Variants in LGALS12 observed in about 807,000 individuals in gnomAD.
The protein encoded by LGALS12 is galectin 12, also known as galectin-12.
A neutral mutation model predicts 36.8 loss-of-function variants in LGALS12; 36 were observed. The ratio of observed to expected loss-of-function variants is 0.98; its 90% CI spans 0.75 to 1.29. The LOEUF (loss-of-function observed/expected upper bound fraction) is 1.29. LGALS12 is among the 50% of genes most tolerant of loss of function. The probability of loss-of-function intolerance (pLI) is 0.00; values close to 1 mark genes in which losing one functional copy is unlikely to be tolerated. For missense variants in LGALS12, 366 were observed against 394.3 expected, an observed-to-expected ratio of 0.93 and a Z score of 0.61; for synonymous variants, 145 against 155.9, an observed-to-expected ratio of 0.93 and a Z score of 0.52.
intron 1 of LGALS12, among the ~76,000 whole-genome samples, chr11:63,506,963 C>T (rs2016759477): frequency 6.6e-6 from 1 of 152,146 alleles, no homozygotes; most frequent in Non-Finnish European, 1.5e-5. Context: ...AGTCAGTGCC[C>T]AAGAGGTTTT....
At chr11:63,507,972 A>C in intron 1 of LGALS12, 1 of 960,076 alleles carries the variant, frequency 1.0e-6, no homozygotes, top group Middle Eastern at 5.4e-4. Context: ...TCCTGACCTC[A>C]AGTTGATCCA....
At position 63,506,126 on chromosome 11, in the gene LGALS12, C is replaced by G. The variant is rs1419314524; in HGVS notation, c.-333C>G. 3 of 421,786 alleles carry G rather than the reference C, an allele frequency of 7.1e-6. No homozygotes were observed. Among genetic ancestry groups the G allele is most frequent in the Non-Finnish European group, 1.3e-5 (3 of 232,738 alleles). 26.1% of individuals were successfully genotyped at this position (421,786 alleles called of 1,614,324 possible). A position where few individuals can be genotyped will look rare whatever the true frequency, so the allele number is the denominator to read the frequency against. Reference sequence around the variant, plus strand: ...CCACAGGAGCCAGCCTCTGGCTTCTCTCTGCAATGGCCATGTGCTGCAGAC... The same window carrying G: ...CCACAGGAGCCAGCCTCTGGCTTCTGTCTGCAATGGCCATGTGCTGCAGAC... On this transcript the variant is annotated 5_prime_UTR_variant, in exon 1 of 9. Coordinates refer to ENST00000394618, the MANE Select transcript of LGALS12 (RefSeq NM_033101.4).
intron 7 of LGALS12, 67 bp downstream of exon 7, chr11:63,511,907 C>A: frequency 9.9e-7 from 1 of 1,008,490 alleles, no homozygotes; most frequent in Non-Finnish European, 1.6e-6. Flanking sequence ...TGCTATAAAA[C>A]ATCATCTCTT....
Position 63,508,960 on chromosome 11 carries a change from T to A in LGALS12, c.341T>A (p.Ile114Asn), listed in dbSNP as rs76345806. The change falls in exon 3 of 9, where the codon ATC becomes AAC. Residue 114 changes from isoleucine to asparagine, a missense_variant. Ile to Asn is a moderately radical substitution (Grantham distance 149, BLOSUM62 -3). Coordinates refer to ENST00000394618, the MANE Select transcript of LGALS12 (RefSeq NM_033101.4). Reference sequence around the variant, plus strand: ...CTGCGAAGAGGCTCCAGCTTCCTCATCCTCTTTCTCTTCGGGAATGAGGAA... The same window carrying A: ...CTGCGAAGAGGCTCCAGCTTCCTCAACCTCTTTCTCTTCGGGAATGAGGAA... Reference protein sequence around the residue: ...LALRRGSSFLILFLFGNEEVK... With the variant: ...LALRRGSSFLNLFLFGNEEVK... The A allele has an allele frequency of 2.4e-3, 3,846 of 1,614,104 alleles. 82 individuals are homozygous for A. In the African/African-American group the frequency reaches 0.044, roughly 19 times the overall value.
In LGALS12 at chr11:63,506,166, T is replaced by C. The variant is rs185654788; in HGVS notation, c.-293T>C. 1.7e-3 allele frequency: 911 copies of C among 540,364 alleles called. 4 individuals are homozygous for C. The highest frequency in any genetic ancestry group is 2.8e-3 in the Admixed American group (88 of 31,240). The allele number at this position is 540,364 out of a possible 1,614,324, so 33.5% of individuals were successfully genotyped here. Reference sequence around the variant, plus strand: ...GTGCTGCAGACCCGGAGTGGGTAGTTAGTTGGTTAATGCCAGTCTTCCTCC... The same window carrying C: ...GTGCTGCAGACCCGGAGTGGGTAGTCAGTTGGTTAATGCCAGTCTTCCTCC... On this transcript the variant is annotated 5_prime_UTR_variant, in exon 1 of 9. An upstream open reading frame in the 5' UTR loses its in-frame stop. Transcript: ENST00000394618.
rs1386240211 is a variant in LGALS12 at position 63,506,388 on chromosome 11, G to T, written c.-71G>T. ...TCCAGGCATTTAGGACCCTGACTGGGGCAGATGAGTCAGCCCAGTGGGGGC... is the reference window on the plus strand; with the variant it reads ...TCCAGGCATTTAGGACCCTGACTGGTGCAGATGAGTCAGCCCAGTGGGGGC... On this transcript the variant is annotated 5_prime_UTR_variant, in exon 1 of 9. Coordinates refer to ENST00000394618, the MANE Select transcript of LGALS12 (RefSeq NM_033101.4). 1 of 1,614,170 alleles carries T rather than the reference G, an allele frequency of 6.2e-7. No homozygotes were observed. Among genetic ancestry groups the T allele is most frequent in the Admixed American group, 1.7e-5 (1 of 60,030 alleles).
Position 63,508,870 on chromosome 11 carries a change from A to G in LGALS12, c.251A>G (p.His84Arg), listed in dbSNP as rs1220570562. Residue 84 changes from histidine to arginine, a missense_variant, in exon 3 of 9, where the codon CAT becomes CGT. Transcript: ENST00000394618. ...CCTCGCTTCCATACCACCAAGCCCC[A>G]TGTCATCTGCAACACCCTGCATGGT... ...FNPRFHTTKP[H>R]VICNTLHGGR... The G allele has an allele frequency of 2.5e-6, 4 of 1,614,016 alleles. No individual in the cohort carries two copies. In the African/African-American group the frequency reaches 4.0e-5, roughly 16 times the overall value.
chr11:63,513,750 T>A (rs2016994475), intron 7 of LGALS12, among the ~76,000 whole-genome samples: 1 of 152,206 alleles, frequency 6.6e-6, no homozygotes, highest in South Asian at 2.1e-4. Context: ...TATCCCTCCT[T>A]CTTCACCTCA....
rs1195821254 is a variant in LGALS12, at chr11:63,506,244, T to C, written c.-215T>C. 1.3e-5 allele frequency: 10 copies of C among 784,060 alleles called. No individual in the cohort carries two copies. Among genetic ancestry groups the C allele is most frequent in the Middle Eastern group, 3.7e-4 (1 of 2,686 alleles). The allele number at this position is 784,060 out of a possible 1,614,324, so 48.6% of individuals were successfully genotyped here. ...CCCGCCCAGCCAGAGCTCTGCTGTA[T>C]ACCACCGGGAGTGGGGCTGGTGTGG... On this transcript the variant is annotated 5_prime_UTR_variant, in exon 1 of 9. Coordinates refer to ENST00000394618, the MANE Select transcript of LGALS12 (RefSeq NM_033101.4).
Position 63,515,570 on chromosome 11 carries a change from G to C in LGALS12, c.655G>C (p.Val219Leu), listed in dbSNP as rs377443246. 9 of 1,613,996 alleles carry C rather than the reference G, an allele frequency of 5.6e-6. No individual in the cohort carries two copies. Among genetic ancestry groups the C allele is most frequent in the African/African-American group, 1.3e-5 (1 of 74,930 alleles). ...LVLQEPKHFT[V>L]SLRDQAAHAP... ...TCCTCCTGCTTCCTGCAGTTTTACT[G>C]TGAGCCTGAGGGACCAGGCTGCCCA... is the stretch of plus-strand genomic sequence containing the variant. Residue 219 changes from valine (V) to leucine (L), a missense_variant, in exon 8 of 9, where the codon GTG (valine) becomes CTG (leucine). Val to Leu is a conservative substitution (Grantham distance 32, BLOSUM62 1). Transcript: ENST00000394618.
chr11:63,511,830 G>C lies in LGALS12; in HGVS notation c.637G>C (p.Glu213Gln). 6.2e-7 allele frequency: 1 copy of C among 1,611,770 alleles called. No individual in the cohort carries two copies. Among genetic ancestry groups the C allele is most frequent in the Non-Finnish European group, 8.5e-7 (1 of 1,178,134 alleles). ...VIIVRGLVLQEPKHFTVSLRD... is the reference protein window; with the variant it reads ...VIIVRGLVLQQPKHFTVSLRD... ...CATAGTACGGGGACTGGTCTTGCAA[G>C]AGCCGAAGCAGTAAGTATCCAGCAT... The change falls in exon 7 of 9, where the codon GAG becomes CAG. Residue 213 changes from glutamate to glutamine, a missense_variant. Physicochemically the swap from Glu to Gln is conservative, Grantham distance 29 (BLOSUM62 2). Transcript: ENST00000394618.
chr11:63,506,584 T>C (rs1445446901), intron 1 of LGALS12, 57 bp downstream of exon 1: 2 of 1,607,972 alleles, frequency 1.2e-6, no homozygotes, highest in African/African-American at 1.3e-5. Flanking sequence ...CCCTTCCAAC[T>C]GGGCCCACAC....
intron 1 of LGALS12, 126 bp downstream of exon 1, chr11:63,506,653 G>A: frequency 7.9e-7 from 1 of 1,272,434 alleles, no homozygotes; most frequent in South Asian, 1.3e-5. Flanking sequence ...CACCTGCCCT[G>A]GGTTCTGGAA....
chr11:63,508,922 G>A lies in LGALS12; in HGVS notation c.303G>A (p.Trp101Ter). Residue 101 changes from tryptophan to a stop codon, truncating the protein, a stop_gained, in exon 3 of 9, where the codon TGG becomes TGA. Coordinates refer to ENST00000394618, the MANE Select transcript of LGALS12 (RefSeq NM_033101.4). LOFTEE classifies it high-confidence loss of function. The stretch of plus-strand genomic sequence containing the variant: ...GACGCTGGCAAAGGGAGGCCCGGTG[G>A]CCCCACCTGGCCCTGCGAAGAGGCT... ...HGGRWQREAR[W>*]PHLALRRGSS... The A allele has an allele frequency of 6.2e-6, 10 of 1,614,226 alleles. No individual in the cohort carries two copies. In the South Asian group the frequency reaches 1.1e-4, roughly 18 times the overall value.
intron 8 of LGALS12, 134 bp from the exon 9 acceptor site, chr11:63,516,113 G>T: frequency 9.0e-7 from 1 of 1,113,286 alleles, no homozygotes; most frequent in Non-Finnish European, 1.3e-6. Context: ...TTCTTTTCCA[G>T]CACTGTACTG....
At chr11:63,514,957 G>A (rs550090871) in intron 7 of LGALS12, among the ~76,000 whole-genome samples, 4 of 151,878 alleles carry the variant, frequency 2.6e-5, no homozygotes, top group South Asian at 2.1e-4. Flanking sequence ...TGCTTATTAC[G>A]TTCCAGGTGC....
chr11:63,509,607 G>A (rs1177581290), intron 3 of LGALS12, among the ~76,000 whole-genome samples, 171 bp from the exon 4 acceptor site: 1 of 152,206 alleles, frequency 6.6e-6, no homozygotes, highest in African/African-American at 2.4e-5. Context: ...TGCAACCTTT[G>A]GAAGATTACT....
chr11:63,508,732 G>GACCAGA (rs2016820701), intron 2 of LGALS12, 46 bp from the exon 3 acceptor site: 1 of 1,613,900 alleles, frequency 6.2e-7, no homozygotes, highest in African/African-American at 1.3e-5. Context: ...AGATCTCTGT[G>GACCAGA]GGTCTCTGGT....
chr11:63,508,418 T>C (rs1354228685), intron 1 of LGALS12, 135 bp from the exon 2 acceptor site: 1 of 1,466,924 alleles, frequency 6.8e-7, no homozygotes, highest in Non-Finnish European at 9.0e-7. Context: ...AACACTGATT[T>C]TTACCTATAA....
Sources: gnomAD v4.1 joint callset for allele counts (sites outside exome capture counted in the v4.1 genomes callset) on GRCh38, gnomAD v4.1.1 for gene constraint, MANE v1.5 for transcripts, NCBI Gene and HGNC (gene_info 2026-07-23, HGNC 2026-07-21) for gene names.